Variants in AXDND1 observed in about 807,000 individuals in gnomAD.
The protein encoded by AXDND1 is axonemal dynein light chain domain-containing protein 1.
Under a neutral mutation model 137.5 loss-of-function variants are expected in AXDND1, and 110 were observed. The observed-to-expected ratio is 0.80, with a 90% CI of 0.69 to 0.94. AXDND1 has a LOEUF of 0.94. Among genes scored for constraint, AXDND1 ranks in the 40% least tolerant of loss-of-function variants. The pLI is 0.00. For missense variants in AXDND1, 1,191 were observed against 1,169.8 expected, an observed-to-expected ratio of 1.02 and a Z score of -0.26; for synonymous variants, 414 against 399.7, an observed-to-expected ratio of 1.04 and a Z score of -0.43.
intron 16 of AXDND1, chr1:179,447,545 A>G (rs1659910841): frequency 7.0e-6 from 5 of 716,316 alleles, no homozygotes; most frequent in Non-Finnish European, 1.1e-5. Context: ...GCTACAGGCT[A>G]TGTATAAAAT....
intron 4 of AXDND1, among the ~76,000 whole-genome samples, chr1:179,376,541 A>G (rs1006039175): frequency 2.6e-5 from 4 of 152,180 alleles, no homozygotes; most frequent in Admixed American, 6.5e-5. Context: ...GGACCTATGC[A>G]TATGCTGTTC....
intron 11 of AXDND1, among the ~76,000 whole-genome samples, chr1:179,400,756 T>A (rs1178500883): frequency 7.1e-6 from 1 of 141,068 alleles, no homozygotes; most frequent in Non-Finnish European, 1.6e-5. Flanking sequence ...ACAAAAAAAA[T>A]TAGCCGGGCA....
At position 179,528,641 on chromosome 1, in the gene AXDND1, CT is replaced by C. The variant is rs34531104; in HGVS notation, c.2715+230del. Among the ~76,000 whole-genome samples the C allele has an allele frequency of 1.0e-3, 119 of 115,348 alleles. 2 individuals are homozygous for C. Among genetic ancestry groups the C allele is most frequent in the African/African-American group, 1.9e-3 (58 of 30,856 alleles). 75.7% of individuals were successfully genotyped at this position (115,348 alleles called of 152,430 possible). A position where few individuals can be genotyped will look rare whatever the true frequency, so the allele number is the denominator to read the frequency against. Reference sequence around the variant, plus strand: ...GCTTCTCATTCTCATCTTTAAACCTCTTTTTTTTTTTTTTTTTTTTGACAGA... The same window carrying C: ...GCTTCTCATTCTCATCTTTAAACCTCTTTTTTTTTTTTTTTTTTTGACAGA... On this transcript the variant is annotated intron_variant, in intron 23 of 25. Coordinates refer to ENST00000367618, the MANE Select transcript of AXDND1 (RefSeq NM_144696.6).
At chr1:179,380,233 A>C (rs2125081296) in intron 6 of AXDND1, among the ~76,000 whole-genome samples, 1 of 152,168 alleles carries the variant, frequency 6.6e-6, no homozygotes, top group South Asian at 2.1e-4. Context: ...TGGGCGACAG[A>C]GTGAGACTCC....
rs1185098684 is a variant in AXDND1, at chr1:179,457,296, A to G, written c.1799-11147A>G. On this transcript the variant is annotated intron_variant, in intron 16 of 25. Coordinates refer to ENST00000367618, the MANE Select transcript of AXDND1 (RefSeq NM_144696.6). Reference sequence around the variant, plus strand: ...CAACCGTCCAAGGAAGAGCTTCCTCAACTGTTTGGGCTCTTTAGGAGACTC... The same window carrying G: ...CAACCGTCCAAGGAAGAGCTTCCTCGACTGTTTGGGCTCTTTAGGAGACTC... 7 of 650,404 alleles carry G rather than the reference A, an allele frequency of 1.1e-5. No homozygotes were observed. In the East Asian group the frequency reaches 1.8e-4, roughly 17 times the overall value. 40.3% of individuals were successfully genotyped at this position (650,404 alleles called of 1,614,324 possible).
intron 18 of AXDND1, 79 bp downstream of exon 18, chr1:179,483,300 T>C: frequency 1.1e-6 from 1 of 908,476 alleles, no homozygotes. Context: ...ATGCTCTCCC[T>C]ATTTAAATGA....
chr1:179,541,162 T>C lies in AXDND1; in HGVS notation c.3031+6200T>C, dbSNP rs559236802. Among the ~76,000 whole-genome samples the C allele has an allele frequency of 1.5e-4, 23 of 152,340 alleles. No individual in the cohort carries two copies. The East Asian group carries it at 4.2e-3, about 28-fold the overall frequency. On this transcript the variant is annotated intron_variant, in intron 25 of 25. Transcript: ENST00000367618. ...AGGCACCAGAGGGAATCTCCTGGTCTGTGGGTTGCGAAGACCACGGGAAAA... is the reference window on the plus strand; with the variant it reads ...AGGCACCAGAGGGAATCTCCTGGTCCGTGGGTTGCGAAGACCACGGGAAAA...
intron 4 of AXDND1, among the ~76,000 whole-genome samples, chr1:179,371,439 A>G (rs1177812816): frequency 6.6e-6 from 1 of 152,080 alleles, no homozygotes; most frequent in Non-Finnish European, 1.5e-5. Context: ...AAACAAAACA[A>G]AACAAAAAAT....
intron 20 of AXDND1, among the ~76,000 whole-genome samples, chr1:179,496,450 T>G (rs1667458788): frequency 6.6e-6 from 1 of 152,074 alleles, no homozygotes. Flanking sequence ...GCTTTGGACT[T>G]GTAAGGAATT....
At chr1:179,414,016 T>A (rs941246006) in intron 12 of AXDND1, among the ~76,000 whole-genome samples, 5 of 152,168 alleles carry the variant, frequency 3.3e-5, no homozygotes, top group African/African-American at 1.2e-4. Context: ...CTAGCAAAGA[T>A]AAATTTAAAT....
At chr1:179,456,869 G>T in intron 16 of AXDND1, 1 of 847,452 alleles carries the variant, frequency 1.2e-6, no homozygotes, top group Non-Finnish European at 2.0e-6. Context: ...TATCCATGGA[G>T]TTATGATTGT....
intron 25 of AXDND1, among the ~76,000 whole-genome samples, chr1:179,536,121 A>T (rs2125712626): frequency 6.6e-6 from 1 of 152,318 alleles, no homozygotes; most frequent in South Asian, 2.1e-4. Flanking sequence ...TCTGGATATT[A>T]GCCCTTTGTC....
At chr1:179,524,475 G>A (rs998536765) in intron 21 of AXDND1, among the ~76,000 whole-genome samples, 1 of 151,970 alleles carries the variant, frequency 6.6e-6, no homozygotes, top group African/African-American at 2.4e-5. Context: ...TTTCACTTGG[G>A]TATCTCAGTG....
chr1:179,413,298 T>C (rs1654177202), intron 12 of AXDND1, among the ~76,000 whole-genome samples: 1 of 152,156 alleles, frequency 6.6e-6, no homozygotes, highest in South Asian at 2.1e-4. Context: ...GCTACATGGA[T>C]ATATTGTGTA....
intron 18 of AXDND1, among the ~76,000 whole-genome samples, chr1:179,486,139 A>AAACAAAAAACT (rs1553291081): frequency 2.3e-5 from 2 of 87,770 alleles, no homozygotes; most frequent in Admixed American, 1.7e-4. Flanking sequence ...AAAAAAAAAA[A>AAACAAAAAACT]AACCTGATAG....
chr1:179,367,368 G>T (rs1016505788), intron 2 of AXDND1, among the ~76,000 whole-genome samples: 16 of 151,590 alleles, frequency 1.1e-4, no homozygotes, highest in Admixed American at 3.3e-4. Context: ...ACAAAAATTA[G>T]GGGGGGCGTG....
chr1:179,529,250 A>G (rs1469131823), intron 23 of AXDND1, among the ~76,000 whole-genome samples: 3 of 152,190 alleles, frequency 2.0e-5, no homozygotes, highest in Non-Finnish European at 2.9e-5. Context: ...TTTTGTGTGT[A>G]TGTTCATATT....
chr1:179,448,150 C>G, intron 16 of AXDND1: 1 of 959,120 alleles, frequency 1.0e-6, no homozygotes, highest in South Asian at 1.3e-5. Context: ...CATGAAGTAT[C>G]AGGGTCTGAG....
intron 11 of AXDND1, among the ~76,000 whole-genome samples, chr1:179,404,086 T>C (rs929564983): frequency 5.3e-5 from 8 of 152,232 alleles, no homozygotes; most frequent in African/African-American, 1.9e-4. Context: ...AAATTTTAGC[T>C]TTTTATAATA....
Sources: allele counts gnomAD v4.1 joint callset (sites outside exome capture counted in the v4.1 genomes callset), GRCh38; gene constraint gnomAD v4.1.1; transcripts MANE v1.5; gene names NCBI Gene and HGNC (gene_info 2026-07-23, HGNC 2026-07-21).